The following SLC38A12 variants were observed in gnomAD, a reference collection of about 807,000 sequenced individuals.
SLC38A12 encodes the protein solute carrier family 38 member 12.
chr17:74,779,569 C>G, the SLC38A12 span, among the ~76,000 whole-genome samples: 2 of 152,186 alleles, frequency 1.3e-5, no homozygotes, highest in African/African-American at 2.4e-5. Flanking sequence ...TCTTGGTCCT[C>G]TGTAAGACCA....
the SLC38A12 span, among the ~76,000 whole-genome samples, chr17:74,826,042 A>G: frequency 1.8e-4 from 27 of 152,352 alleles, no homozygotes; most frequent in African/African-American, 5.8e-4. Context: ...GAAAGGTGAC[A>G]GCGCCTGAAA....
At chr17:74,810,206 G>A in the SLC38A12 span, among the ~76,000 whole-genome samples, 1 of 152,206 alleles carries the variant, frequency 6.6e-6, no homozygotes, top group African/African-American at 2.4e-5. Context: ...TTTTACTGAA[G>A]ATAATGGTGA....
chr17:74,790,236 A>G, the SLC38A12 span: 3 of 1,614,092 alleles, frequency 1.9e-6, no homozygotes, highest in Admixed American at 5.0e-5. Flanking sequence ...AGCCTCAGAC[A>G]GCGATGTTCT....
the SLC38A12 span, chr17:74,835,952 C>T: frequency 1.2e-6 from 2 of 1,610,854 alleles, no homozygotes; most frequent in Non-Finnish European, 1.7e-6. Context: ...TTGTGCTGGC[C>T]CTGATCCGCA....
chr17:74,815,552 G>A, the SLC38A12 span, among the ~76,000 whole-genome samples: 2 of 152,154 alleles, frequency 1.3e-5, no homozygotes, highest in African/African-American at 4.8e-5. Context: ...TCACTCACAC[G>A]CTCCGTGGTG....
At chr17:74,832,762 G>A in the SLC38A12 span, among the ~76,000 whole-genome samples, 40 of 152,352 alleles carry the variant, frequency 2.6e-4, no homozygotes, top group Admixed American at 1.8e-3. Flanking sequence ...CGCCTGCCCC[G>A]TCAGGTGTTT....
At chr17:74,835,264 G>A in the SLC38A12 span, among the ~76,000 whole-genome samples, 2 of 152,294 alleles carry the variant, frequency 1.3e-5, no homozygotes, top group South Asian at 4.1e-4. Flanking sequence ...TCGGCAGTCC[G>A]CAGCCTTGGT....
chr17:74,813,963 C>A, the SLC38A12 span, among the ~76,000 whole-genome samples: 1 of 152,184 alleles, frequency 6.6e-6, no homozygotes, highest in African/African-American at 2.4e-5. Context: ...GGAAGGATGA[C>A]GACCAGCAGC....
the SLC38A12 span, among the ~76,000 whole-genome samples, chr17:74,786,572 G>A: frequency 6.6e-6 from 1 of 152,190 alleles, no homozygotes; most frequent in African/African-American, 2.4e-5. Flanking sequence ...CAGGGCGAGG[G>A]GACTAGGATG....
the SLC38A12 span, among the ~76,000 whole-genome samples, chr17:74,797,465 C>T: frequency 6.6e-6 from 1 of 152,354 alleles, no homozygotes; most frequent in Non-Finnish European, 1.5e-5. Context: ...CCTTTTCTTT[C>T]TGGGCCAGTG....
At chr17:74,795,668 C>T in the SLC38A12 span, 2 of 1,538,544 alleles carry the variant, frequency 1.3e-6, no homozygotes, top group South Asian at 1.1e-5. Context: ...CTGCCCCAGC[C>T]CAGCCTGCAC....
At chr17:74,790,297 G>GT in the SLC38A12 span, 2 of 1,613,740 alleles carry the variant, frequency 1.2e-6, no homozygotes, top group Non-Finnish European at 1.7e-6. Flanking sequence ...CTGTCTGTGC[G>GT]TAAGTCTTGG....
the SLC38A12 span, chr17:74,777,124 C>T: frequency 9.5e-6 from 6 of 634,858 alleles, no homozygotes; most frequent in Admixed American, 1.1e-4. Context: ...ACCCCTCCCT[C>T]GGGGGTGAGT....
At chr17:74,835,802 T>C in the SLC38A12 span, 1 of 1,489,108 alleles carries the variant, frequency 6.7e-7, no homozygotes, top group Non-Finnish European at 8.9e-7. Context: ...CAGGGCTGCA[T>C]GAACATGCAT....
chr17:74,793,839 G>A, the SLC38A12 span, among the ~76,000 whole-genome samples: 18 of 152,124 alleles, frequency 1.2e-4, no homozygotes, highest in African/African-American at 4.3e-4. Context: ...GGCCTCTTGG[G>A]TCCCCTTGAG....
chr17:74,789,781 G>A, the SLC38A12 span, among the ~76,000 whole-genome samples: 1 of 146,882 alleles, frequency 6.8e-6, no homozygotes, highest in Non-Finnish European at 1.5e-5. Flanking sequence ...GGAGGCAGAG[G>A]TTGCAGTGAG....
At chr17:74,823,726 C>G in the SLC38A12 span, among the ~76,000 whole-genome samples, 1 of 152,222 alleles carries the variant, frequency 6.6e-6, no homozygotes, top group Non-Finnish European at 1.5e-5. Context: ...GGCTCACCCC[C>G]AGGTGGCCAC....
the SLC38A12 span, among the ~76,000 whole-genome samples, chr17:74,805,036 A>G: frequency 1.3e-5 from 2 of 152,254 alleles, no homozygotes; most frequent in East Asian, 1.9e-4. This position sits in a 1 kb window ranked among gnomAD's most constrained non-coding sequence, Gnocchi z 5.0. Flanking sequence ...CTGATGCAGT[A>G]TATTCGAAGG....
At chr17:74,824,934 A>G in the SLC38A12 span, among the ~76,000 whole-genome samples, 2 of 152,190 alleles carry the variant, frequency 1.3e-5, no homozygotes, top group Admixed American at 6.5e-5. Flanking sequence ...ACCTGGGGAC[A>G]TGAGGCTTTC....
Sources: allele counts gnomAD v4.1 joint callset (sites outside exome capture counted in the v4.1 genomes callset), GRCh38; gene constraint gnomAD v4.1.1; non-coding constraint Gnocchi (gnomAD v3.1); transcripts MANE v1.5; gene names NCBI Gene and HGNC (gene_info 2026-07-23, HGNC 2026-07-21).